CLEC3A: variants seen among roughly 807,000 people sequenced by gnomAD.
CLEC3A encodes C-type (calcium dependent, carbohydrate-recognition domain) lectin, superfamily member 1 (cartilage-derived).
CLEC3A carries 28 observed loss-of-function variants against 20.4 expected under a neutral mutation model. The observed-to-expected ratio is 1.37, with a 90% CI of 1.02 to 1.88. The LOEUF (loss-of-function observed/expected upper bound fraction) is 1.88, where lower values mean the gene tolerates loss of function less well. CLEC3A is among the 40% of genes most tolerant of loss of function. The probability of loss-of-function intolerance (pLI) is 0.00; values close to 1 mark genes in which losing one functional copy is unlikely to be tolerated. For synonymous variants in CLEC3A, 110 were observed against 88.1 expected (o/e 1.25, Z -1.39); for missense variants, 357 against 240.4 (o/e 1.48, Z -3.21).
rs1278896970 is a variant in CLEC3A, at chr16:78,022,606, C to A, written c.-21C>A. On this transcript the variant is annotated 5_prime_UTR_variant, in exon 1 of 3. Coordinates refer to ENST00000299642, the MANE Select transcript of CLEC3A (RefSeq NM_005752.6). ...CTCTAAGGGGGCTGGCAACATGGCT[C>A]AGCAGGCTTGCCCCAGAGCCATGGC... is the stretch of plus-strand genomic sequence containing the variant. 4 of 1,613,114 alleles carry A rather than the reference C, an allele frequency of 2.5e-6. No individual in the cohort carries two copies. The highest frequency in any genetic ancestry group is 3.4e-6 in the Non-Finnish European group (4 of 1,179,608).
rs767903140 is a variant in CLEC3A at position 78,030,729 on chromosome 16, G to A, written c.482G>A (p.Gly161Asp). 8.1e-6 allele frequency: 13 copies of A among 1,614,014 alleles called. No homozygotes were observed. The highest frequency in any genetic ancestry group is 3.3e-4 in the Middle Eastern group (2 of 6,084). The change falls in exon 3 of 3, where the codon GGT becomes GAT. Residue 161 changes from glycine to aspartate, a missense_variant. Physicochemically the swap from Gly to Asp is moderately conservative, Grantham distance 94. Transcript: ENST00000299642. ...FLNWDRAQPN[G>D]GKRENCVLFS... ...AACTGGGACCGTGCACAGCCTAACG[G>A]TGGCAAGCGAGAAAACTGTGTCCTG... is the stretch of plus-strand genomic sequence containing the variant.
At chr16:78,023,778 G>T (rs1192453482) in intron 1 of CLEC3A, among the ~76,000 whole-genome samples, 2 of 142,234 alleles carry the variant, frequency 1.4e-5, no homozygotes, top group Non-Finnish European at 3.0e-5. Flanking sequence ...TTTTTTCTGA[G>T]ACAGAGTCTC....
rs1313194351 is a variant in CLEC3A, at chr16:78,022,663, A to G, written c.37A>G (p.Ile13Val). 1.2e-6 allele frequency: 2 copies of G among 1,614,120 alleles called. No individual in the cohort carries two copies. Among genetic ancestry groups the G allele is most frequent in the South Asian group, 2.2e-5 (2 of 91,076 alleles). The change falls in exon 1 of 3, where the codon ATC becomes GTC. Residue 13 changes from isoleucine (I) to valine (V), a missense_variant. Transcript: ENST00000299642. Reference protein sequence around the residue: ...KNGLVICILVITLLLDQTTSH... With the variant: ...KNGLVICILVVTLLLDQTTSH... ...TGGACTTGTAATTTGCATCCTGGTG[A>G]TCACCTTACTCCTGGACCAGACCAC... is the stretch of plus-strand genomic sequence containing the variant.
intron 1 of CLEC3A, among the ~76,000 whole-genome samples, chr16:78,026,465 A>G (rs2029925963): frequency 6.6e-6 from 1 of 152,180 alleles, no homozygotes; most frequent in South Asian, 2.1e-4. Flanking sequence ...AGCAGGTAAG[A>G]GGGATGAAAT....
Position 78,030,596 on chromosome 16 carries a change from T to C in CLEC3A, c.349T>C (p.Tyr117His). ...CGACGAAATCAACGCCCTCCAAGAC[T>C]ATGGTAAAAGGAGCCTGCCAGGTGT... is the stretch of plus-strand genomic sequence containing the variant. ...NSDEINALQD[Y>H]GKRSLPGVND... Residue 117 changes from tyrosine (Y) to histidine (H), a missense_variant, in exon 3 of 3, where the codon TAT becomes CAT. Tyr to His is a moderately conservative substitution (Grantham distance 83). Transcript: ENST00000299642. 1.2e-6 allele frequency: 2 copies of C among 1,614,110 alleles called. No individual in the cohort carries two copies. The highest frequency in any genetic ancestry group is 1.3e-5 in the African/African-American group (1 of 75,004).
chr16:78,030,210 A>G (rs1411080372), intron 2 of CLEC3A, among the ~76,000 whole-genome samples: 5 of 152,044 alleles, frequency 3.3e-5, no homozygotes, highest in African/African-American at 1.2e-4. Flanking sequence ...CTAAGCCTAA[A>G]TATCCTGATA....
At chr16:78,030,323 T>G (rs12917942) in intron 2 of CLEC3A, 124 bp from the exon 3 acceptor site, 595,544 of 861,788 alleles carry the variant, frequency 0.69, 212,503 homozygotes, top group South Asian at 0.73. Context: ...ATAGAAAATT[T>G]TAACTGTTGT....
At chr16:78,030,376 T>C in intron 2 of CLEC3A, 71 bp from the exon 3 acceptor site, 1 of 1,349,118 alleles carries the variant, frequency 7.4e-7, no homozygotes, top group Non-Finnish European at 1.0e-6. Flanking sequence ...TTATTGCTAT[T>C]TGCCAGGTCC....
Position 78,022,600 on chromosome 16 carries a change from A to C in CLEC3A, c.-27A>C. 1 of 1,612,876 alleles carries C rather than the reference A, an allele frequency of 6.2e-7. No homozygotes were observed. Among genetic ancestry groups the C allele is most frequent in the Non-Finnish European group, 8.5e-7 (1 of 1,179,456 alleles). ...TAGCTGCTCTAAGGGGGCTGGCAACATGGCTCAGCAGGCTTGCCCCAGAGC... is the reference window on the plus strand; with the variant it reads ...TAGCTGCTCTAAGGGGGCTGGCAACCTGGCTCAGCAGGCTTGCCCCAGAGC... On this transcript the variant is annotated 5_prime_UTR_variant, in exon 1 of 3. The change abolishes an upstream ATG in the 5' untranslated region. Transcript: ENST00000299642.
At position 78,031,027 on chromosome 16, in the gene CLEC3A, G is replaced by A. The variant is rs2030087617; in HGVS notation, c.*186G>A. 1.3e-5 allele frequency: 8 copies of A among 603,678 alleles called. No homozygotes were observed. The highest frequency in any genetic ancestry group is 2.2e-5 in the Non-Finnish European group (8 of 358,916). The allele number at this position is 603,678 out of a possible 1,614,324, so 37.4% of individuals were successfully genotyped here. ...TTCTTTGGGATTTTGCCCTTCCTGG[G>A]GTATAGGGGATCAGAAATATTGATC... On this transcript the variant is annotated 3_prime_UTR_variant, in exon 3 of 3. Transcript: ENST00000299642.
chr16:78,027,637 C>T (rs2029965481), intron 1 of CLEC3A, among the ~76,000 whole-genome samples: 1 of 151,204 alleles, frequency 6.6e-6, no homozygotes, highest in African/African-American at 2.4e-5. Flanking sequence ...TCCTTCTTTC[C>T]TTCATTCATT....
rs1230017996 is a variant in CLEC3A, at chr16:78,022,793, G to A, written c.115+52G>A. On this transcript the variant is annotated intron_variant, in intron 1 of 2. Coordinates refer to ENST00000299642, the MANE Select transcript of CLEC3A (RefSeq NM_005752.6). ...ATTCTAGGCTTAGACAGTGTGGGGA[G>A]GTGCTGGACAATGTTAATTTTCAAA... is the stretch of plus-strand genomic sequence containing the variant. 6 of 1,589,356 alleles carry A rather than the reference G, an allele frequency of 3.8e-6. No homozygotes were observed. The African/African-American group carries it at 6.8e-5, about 18-fold the overall frequency.
In CLEC3A at chr16:78,030,909, A is replaced by T. The variant is rs2030083227; in HGVS notation, c.*68A>T. 2 of 1,468,986 alleles carry T rather than the reference A, an allele frequency of 1.4e-6. No individual in the cohort carries two copies. The highest frequency in any genetic ancestry group is 4.7e-5 in the Admixed American group (2 of 42,284). The allele number at this position is 1,468,986 out of a possible 1,614,324, so 91.0% of individuals were successfully genotyped here. The stretch of plus-strand genomic sequence containing the variant: ...TATAGGTTCATGATCTCTAAGATCA[A>T]GTAAAAATCATAATTTTTACTTATT... On this transcript the variant is annotated 3_prime_UTR_variant, in exon 3 of 3. Coordinates refer to ENST00000299642, the MANE Select transcript of CLEC3A (RefSeq NM_005752.6).
At chr16:78,026,531 G>C (rs1461401306) in intron 1 of CLEC3A, among the ~76,000 whole-genome samples, 1 of 152,180 alleles carries the variant, frequency 6.6e-6, no homozygotes, top group African/African-American at 2.4e-5. Context: ...TTTACTAGCT[G>C]GGTGACCTTC....
intron 1 of CLEC3A, among the ~76,000 whole-genome samples, chr16:78,023,612 CACAT>C (rs2018776350): frequency 6.6e-6 from 1 of 152,124 alleles, no homozygotes; most frequent in South Asian, 2.1e-4. Context: ...TAACAACACA[CACAT>C]ACACAAATTT....
Position 78,030,958 on chromosome 16 carries a change from T to C in CLEC3A, c.*117T>C, listed in dbSNP as rs547707493. 8 of 1,169,208 alleles carry C rather than the reference T, an allele frequency of 6.8e-6. No homozygotes were observed. Among genetic ancestry groups the C allele is most frequent in the South Asian group, 3.3e-5 (2 of 60,290 alleles). The allele number at this position is 1,169,208 out of a possible 1,614,324, so 72.4% of individuals were successfully genotyped here. ...TTAAAAAATTGCAACACAAGATCAA[T>C]GTCCATAGCAATATGATAGCATCAG... On this transcript the variant is annotated 3_prime_UTR_variant, in exon 3 of 3. Coordinates refer to ENST00000299642, the MANE Select transcript of CLEC3A (RefSeq NM_005752.6).
intron 2 of CLEC3A, among the ~76,000 whole-genome samples, chr16:78,029,904 A>G (rs1228809415): frequency 6.6e-6 from 1 of 152,140 alleles, no homozygotes; most frequent in African/African-American, 2.4e-5. Flanking sequence ...CTGTAATCCA[A>G]GCACTTTGGG....
intron 2 of CLEC3A, chr16:78,029,111 C>T: frequency 2.2e-6 from 1 of 455,650 alleles, no homozygotes; most frequent in Non-Finnish European, 4.4e-6. Context: ...TATTATGATC[C>T]TAATTTTACA....
rs752767683 is a variant in CLEC3A, at chr16:78,022,588, G to A, written c.-39G>A. On this transcript the variant is annotated 5_prime_UTR_variant, in exon 1 of 3. Coordinates refer to ENST00000299642, the MANE Select transcript of CLEC3A (RefSeq NM_005752.6). ...AGTCTCCTTCCATAGCTGCTCTAAGGGGGCTGGCAACATGGCTCAGCAGGC... is the reference window on the plus strand; with the variant it reads ...AGTCTCCTTCCATAGCTGCTCTAAGAGGGCTGGCAACATGGCTCAGCAGGC... The A allele has an allele frequency of 6.2e-7, 1 of 1,610,140 alleles. No homozygotes were observed. Among genetic ancestry groups the A allele is most frequent in the Non-Finnish European group, 8.5e-7 (1 of 1,178,162 alleles).
Sources: allele counts gnomAD v4.1 joint callset (sites outside exome capture counted in the v4.1 genomes callset), GRCh38; gene constraint gnomAD v4.1.1; transcripts MANE v1.5; gene names NCBI Gene and HGNC (gene_info 2026-07-23, HGNC 2026-07-21).